The following PPP3CA variants were observed in gnomAD, a reference collection of about 807,000 sequenced individuals.
PPP3CA encodes protein phosphatase 3 catalytic subunit alpha.
In PPP3CA, 14 loss-of-function variants were observed where a neutral mutation model predicts 66.5. That is an observed-to-expected ratio of 0.21 (90% CI 0.14 to 0.33). The LOEUF (loss-of-function observed/expected upper bound fraction) is 0.33. Among genes scored for constraint, PPP3CA ranks in the 10% least tolerant of loss-of-function variants. PPP3CA has a pLI of 1.00. For missense variants in PPP3CA, 317 were observed against 639.5 expected (o/e 0.50, Z 5.44); for synonymous variants, 232 against 226.2 (o/e 1.03, Z -0.23).
chr4:101,079,379 C>CTT (rs1016993243), intron 8 of PPP3CA, among the ~76,000 whole-genome samples: 25 of 138,540 alleles, frequency 1.8e-4, no homozygotes, highest in East Asian at 1.5e-3. Flanking sequence ...TTCCATTTCT[C>CTT]TTTTTTTTTT....
intron 7 of PPP3CA, among the ~76,000 whole-genome samples, chr4:101,082,238 T>C (rs193068734): frequency 2.6e-5 from 4 of 152,314 alleles, no homozygotes; most frequent in Non-Finnish European, 5.9e-5. Context: ...ACAGTGAGTA[T>C]ATAACACTGG....
At chr4:101,085,510 A>G (rs964505757) in intron 6 of PPP3CA, among the ~76,000 whole-genome samples, 2 of 152,200 alleles carry the variant, frequency 1.3e-5, no homozygotes, top group Non-Finnish European at 2.9e-5. Context: ...TCAAGTGCCA[A>G]TTTGCTAGGT....
At chr4:101,326,790 T>C (rs1729222436) in intron 1 of PPP3CA, among the ~76,000 whole-genome samples, 1 of 152,210 alleles carries the variant, frequency 6.6e-6, no homozygotes, top group African/African-American at 2.4e-5. Context: ...TTCCTCCCAC[T>C]CACTCCCTTC....
At chr4:101,156,328 G>C (rs1249723185) in intron 2 of PPP3CA, among the ~76,000 whole-genome samples, 1 of 152,114 alleles carries the variant, frequency 6.6e-6, no homozygotes, top group African/African-American at 2.4e-5. Flanking sequence ...TAAAGAAACA[G>C]AATAAGATTT....
intron 8 of PPP3CA, among the ~76,000 whole-genome samples, chr4:101,079,645 C>A (rs1560591146): frequency 6.6e-6 from 1 of 152,136 alleles, no homozygotes; most frequent in Non-Finnish European, 1.5e-5. Flanking sequence ...TCTCAGAAAG[C>A]CACACTCGGA....
At chr4:101,205,631 G>C (rs759253489) in intron 1 of PPP3CA, among the ~76,000 whole-genome samples, 32 of 151,678 alleles carry the variant, frequency 2.1e-4, no homozygotes, top group Admixed American at 3.9e-4. Context: ...CAACTCTATG[G>C]GCCAACACAT....
chr4:101,103,302 C>T (rs1486412591), intron 3 of PPP3CA, among the ~76,000 whole-genome samples: 1 of 152,120 alleles, frequency 6.6e-6, no homozygotes, highest in African/African-American at 2.4e-5. Flanking sequence ...TGAAACATTC[C>T]AATCAAAAGT....
At chr4:101,093,632 TA>T in intron 6 of PPP3CA, 143 bp downstream of exon 6, 1 of 811,596 alleles carries the variant, frequency 1.2e-6, no homozygotes, top group Non-Finnish European at 1.7e-6. Flanking sequence ...CATTTATTTA[TA>T]TTTTCATTTT....
intron 3 of PPP3CA, chr4:101,108,134 T>C (rs901552452): frequency 6.6e-6 from 1 of 152,232 alleles, no homozygotes; most frequent in Non-Finnish European, 1.5e-5. Flanking sequence ...ATCTGTTTTG[T>C]TTTAATTAAT....
intron 1 of PPP3CA, among the ~76,000 whole-genome samples, chr4:101,345,048 C>A (rs1180244095): frequency 6.6e-6 from 1 of 152,130 alleles, no homozygotes; most frequent in Non-Finnish European, 1.5e-5. Context: ...TGGACTGTTT[C>A]CATGAAAATC....
chr4:101,070,274 G>C (rs1010864877), intron 8 of PPP3CA, among the ~76,000 whole-genome samples: 1 of 152,012 alleles, frequency 6.6e-6, no homozygotes, highest in Non-Finnish European at 1.5e-5. Flanking sequence ...GAAAATGGGA[G>C]AAGAGGGAAA....
intron 1 of PPP3CA, among the ~76,000 whole-genome samples, chr4:101,218,648 A>G (rs1725527376): frequency 6.6e-6 from 1 of 152,112 alleles, no homozygotes; most frequent in Admixed American, 6.6e-5. Context: ...GAAAAAAATT[A>G]TGTATAATAA....
intron 1 of PPP3CA, among the ~76,000 whole-genome samples, chr4:101,312,656 CT>C (rs1193616992): frequency 1.3e-5 from 2 of 151,790 alleles, no homozygotes; most frequent in Non-Finnish European, 2.9e-5. Flanking sequence ...AAAATGTGGT[CT>C]GAAAAAATTA....
At chr4:101,079,164 G>A (rs1729323071) in intron 8 of PPP3CA, among the ~76,000 whole-genome samples, 1 of 152,140 alleles carries the variant, frequency 6.6e-6, no homozygotes, top group South Asian at 2.1e-4. Flanking sequence ...CAGGTGCTTG[G>A]GAATAAAGGT....
intron 1 of PPP3CA, among the ~76,000 whole-genome samples, chr4:101,326,832 G>T (rs1052536933): frequency 6.6e-6 from 1 of 152,088 alleles, no homozygotes; most frequent in African/African-American, 2.4e-5. Flanking sequence ...AGTAGCTGGG[G>T]ATAACAATTC....
intron 8 of PPP3CA, among the ~76,000 whole-genome samples, chr4:101,073,577 A>C (rs1729018398): frequency 6.6e-6 from 1 of 152,088 alleles, no homozygotes; most frequent in African/African-American, 2.4e-5. Flanking sequence ...CCTCATACTG[A>C]TAATAAAAGA....
intron 1 of PPP3CA, among the ~76,000 whole-genome samples, chr4:101,336,197 A>G (rs113680279): frequency 9.9e-4 from 150 of 152,110 alleles, no homozygotes; most frequent in African/African-American, 3.4e-3. Flanking sequence ...CCTGGGCAAC[A>G]AGAGCAAAAC....
intron 1 of PPP3CA, among the ~76,000 whole-genome samples, chr4:101,208,024 T>G (rs1725188069): frequency 6.6e-6 from 1 of 152,134 alleles, no homozygotes; most frequent in South Asian, 2.1e-4. Flanking sequence ...TGGGCAGTCA[T>G]TTAGGCAGCA....
At chr4:101,056,960 C>A (rs1728250667) in intron 10 of PPP3CA, among the ~76,000 whole-genome samples, 1 of 152,084 alleles carries the variant, frequency 6.6e-6, no homozygotes, top group Admixed American at 6.6e-5. Context: ...CACCCTAACC[C>A]TAACCCTTTG....
Sources: allele counts gnomAD v4.1 joint callset (sites outside exome capture counted in the v4.1 genomes callset), GRCh38; gene constraint gnomAD v4.1.1; transcripts MANE v1.5; gene names NCBI Gene and HGNC (gene_info 2026-07-23, HGNC 2026-07-21).